The following TEX11 variants were observed in gnomAD, a reference collection of about 807,000 sequenced individuals.
The protein encoded by TEX11 is testis-expressed protein 11.
In TEX11, 7 loss-of-function variants were observed where a neutral mutation model predicts 84.4. That is an observed-to-expected ratio of 0.08 (90% CI 0.05 to 0.16). The LOEUF is 0.16. Among genes scored for constraint, TEX11 ranks in the 10% least tolerant of loss-of-function variants. The pLI is 1.00. For synonymous variants in TEX11, 264 were observed against 222.8 expected (o/e 1.18, Z -1.64); for missense variants, 551 against 660.5 (o/e 0.83, Z 1.82).
intron 4 of TEX11, among the ~76,000 whole-genome samples, chrX:70,864,594 T>A (rs1329618064): frequency 1.9e-5 from 2 of 106,046 alleles, no homozygotes; most frequent in Middle Eastern, 4.8e-3. Context: ...AAAAAAAAAT[T>A]AGCTGGGCAT....
chrX:70,585,135 A>G (rs1016464636), intron 25 of TEX11, among the ~76,000 whole-genome samples: 3 of 112,367 alleles, frequency 2.7e-5, no homozygotes, highest in African/African-American at 9.7e-5. Context: ...CTACGTATAG[A>G]AAATCCCAAA....
intron 9 of TEX11, among the ~76,000 whole-genome samples, chrX:70,782,120 T>C (rs142047004): frequency 8.9e-6 from 1 of 112,293 alleles, no homozygotes; most frequent in Admixed American, 9.4e-5. Flanking sequence ...AGCTGATCTC[T>C]TGGCACAAAC....
chrX:70,529,873 T>C lies in TEX11; in HGVS notation c.2647A>G (p.Asn883Asp). Residue 883 changes from asparagine to aspartate, a missense_variant, in exon 29 of 30, where the codon AAC (asparagine) becomes GAC (aspartate). Coordinates refer to ENST00000374333, the MANE Select transcript of TEX11 (RefSeq NM_031276.3). ...KWCGLALRFL[N>D]HLTSFKESYE... ...CTTTCCTTGAAGGAGGTAAGGTGGTTAAGGAAACGCAAGGCCAGGCCACAC... is the reference window on the plus strand; with the variant it reads ...CTTTCCTTGAAGGAGGTAAGGTGGTCAAGGAAACGCAAGGCCAGGCCACAC... The C allele has an allele frequency of 8.3e-7, 1 of 1,211,093 alleles. No individual in the cohort carries two copies. Among genetic ancestry groups the C allele is most frequent in the Non-Finnish European group, 1.1e-6 (1 of 895,310 alleles).
intron 7 of TEX11, among the ~76,000 whole-genome samples, chrX:70,839,516 T>C (rs2091428401): frequency 9.1e-6 from 1 of 110,283 alleles, no homozygotes; most frequent in Non-Finnish European, 1.9e-5. Context: ...AGAACAAAGG[T>C]AGATAAAACC....
chrX:70,827,695 T>A (rs2091354698), intron 8 of TEX11, among the ~76,000 whole-genome samples: 1 of 111,969 alleles, frequency 8.9e-6, no homozygotes, highest in Admixed American at 9.4e-5. Flanking sequence ...TGTATTGTGA[T>A]TTGAGTGCCA....
chrX:70,584,938 C>A (rs1486120027), intron 25 of TEX11, among the ~76,000 whole-genome samples: 1 of 111,632 alleles, frequency 9.0e-6, no homozygotes, highest in Non-Finnish European at 1.9e-5. Flanking sequence ...GGAAGCTTAG[C>A]CCTAAGATCA....
chrX:70,706,752 A>C (rs2090380949), intron 13 of TEX11, among the ~76,000 whole-genome samples: 1 of 111,188 alleles, frequency 9.0e-6, no homozygotes, highest in Admixed American at 9.6e-5. Context: ...AGGAACTCAA[A>C]CGTGAAAGAA....
At chrX:70,901,007 G>A (rs1162374717) in intron 2 of TEX11, among the ~76,000 whole-genome samples, 2 of 111,325 alleles carry the variant, frequency 1.8e-5, no homozygotes, top group Non-Finnish European at 1.9e-5. Flanking sequence ...CTTGAGCTCA[G>A]GAGCTCAGGA....
chrX:70,540,864 G>A (rs1400853979), intron 28 of TEX11, among the ~76,000 whole-genome samples: 6 of 112,070 alleles, frequency 5.4e-5, no homozygotes, highest in Admixed American at 3.8e-4. Flanking sequence ...TACAATATTT[G>A]TCCTTTTGTA....
downstream of TEX11, among the ~76,000 whole-genome samples, chrX:70,527,640 C>T (rs1289522773): frequency 9.2e-6 from 1 of 108,987 alleles, no homozygotes; most frequent in African/African-American, 3.4e-5. Context: ...AATTTGAATG[C>T]GGTCTGTGGA....
Position 70,853,141 on chromosome X carries a change from A to G in TEX11, c.418T>C (p.Leu140=). The G allele has an allele frequency of 8.3e-7, 1 of 1,210,466 alleles. No homozygotes were observed. The highest frequency in any genetic ancestry group is 1.8e-5 in the South Asian group (1 of 56,841). The change falls in exon 7 of 30, where the codon TTA becomes CTA. Residue 140 remains leucine (L), a synonymous_variant. Coordinates refer to ENST00000374333, the MANE Select transcript of TEX11 (RefSeq NM_031276.3). ...FQAAVASLEQ[L]YVKLIQRSSP... ...CTCCTTTGAATTAATTTGACGTATAATTGCTCCAGACTCTGGAAAATAAAC... is the reference window on the plus strand; with the variant it reads ...CTCCTTTGAATTAATTTGACGTATAGTTGCTCCAGACTCTGGAAAATAAAC...
chrX:70,831,302 G>T (rs770623525), intron 8 of TEX11, among the ~76,000 whole-genome samples: 2 of 111,201 alleles, frequency 1.8e-5, no homozygotes, highest in Admixed American at 1.9e-4. Flanking sequence ...TTGCCAGGGG[G>T]TTGGGGAATG....
intron 28 of TEX11, among the ~76,000 whole-genome samples, chrX:70,544,356 C>A (rs1245546308): frequency 9.1e-6 from 1 of 110,185 alleles, no homozygotes; most frequent in African/African-American, 3.3e-5. Context: ...GAAACCCTGT[C>A]TCTACTAAAA....
At chrX:70,720,285 T>C (rs1272959052) in intron 13 of TEX11, among the ~76,000 whole-genome samples, 6 of 110,412 alleles carry the variant, frequency 5.4e-5, no homozygotes, top group African/African-American at 1.6e-4. Flanking sequence ...AACCAAACAC[T>C]GCATGTTCTC....
chrX:70,839,073 A>T (rs894581130), intron 7 of TEX11, among the ~76,000 whole-genome samples: 4 of 112,782 alleles, frequency 3.5e-5, no homozygotes, highest in African/African-American at 1.3e-4. Context: ...AGCAGGGCAC[A>T]GACAAACAAA....
intron 13 of TEX11, among the ~76,000 whole-genome samples, chrX:70,705,726 C>T (rs1164521537): frequency 5.4e-5 from 6 of 111,890 alleles, no homozygotes; most frequent in African/African-American, 2.0e-4. Context: ...CATCACTGGC[C>T]ATCAGAGAAA....
chrX:70,544,892 C>T (rs4844124), intron 28 of TEX11, among the ~76,000 whole-genome samples: 7,997 of 99,779 alleles, frequency 0.08, 393 homozygotes, highest in Admixed American at 0.25. Context: ...CCAAAAAAAA[C>T]CTTTTTAATT....
chrX:70,867,778 A>C (rs914591273), intron 4 of TEX11, among the ~76,000 whole-genome samples: 1 of 112,000 alleles, frequency 8.9e-6, no homozygotes, highest in Non-Finnish European at 1.9e-5. Context: ...CAATGGGGGA[A>C]GGATTCCCTA....
intron 17 of TEX11, among the ~76,000 whole-genome samples, chrX:70,644,054 T>A (rs1174362606): frequency 9.9e-6 from 1 of 100,968 alleles, no homozygotes; most frequent in African/African-American, 3.6e-5. Context: ...GAATCTACAA[T>A]GAACTCAAAC....
Sources: gnomAD v4.1 joint callset for allele counts (sites outside exome capture counted in the v4.1 genomes callset) on GRCh38, gnomAD v4.1.1 for gene constraint, MANE v1.5 for transcripts, NCBI Gene and HGNC (gene_info 2026-07-23, HGNC 2026-07-21) for gene names.